Variants in RHBDL2 observed in about 807,000 individuals in gnomAD.
RHBDL2 encodes the protein rhomboid-related protein 2.
A neutral mutation model predicts 31.7 loss-of-function variants in RHBDL2; 26 were observed. That is an observed-to-expected ratio of 0.82 (90% CI 0.60 to 1.14). The LOEUF (loss-of-function observed/expected upper bound fraction) is 1.14. Ranked by LOEUF, RHBDL2 falls within the 50% of genes most tolerant of loss-of-function variation. The probability of loss-of-function intolerance (pLI) is 0.00; values close to 1 mark genes in which losing one functional copy is unlikely to be tolerated. For missense variants in RHBDL2, 336 were observed against 364.4 expected, an observed-to-expected ratio of 0.92 and a Z score of 0.63; for synonymous variants, 123 against 127.2, an observed-to-expected ratio of 0.97 and a Z score of 0.22.
chr1:38,900,310 C>G (rs536592212), intron 4 of RHBDL2, among the ~76,000 whole-genome samples: 92 of 152,200 alleles, frequency 6.0e-4, no homozygotes, highest in African/African-American at 2.1e-3. Context: ...ATCCCAGCTA[C>G]TCGGGAGGCT....
At chr1:38,903,435 C>T (rs892848934) in intron 4 of RHBDL2, among the ~76,000 whole-genome samples, 3 of 152,062 alleles carry the variant, frequency 2.0e-5, no homozygotes, top group Non-Finnish European at 2.9e-5. Flanking sequence ...CTACCACCCC[C>T]GGCCGAGAAA....
chr1:38,912,369 T>C (rs1329454678), intron 3 of RHBDL2, among the ~76,000 whole-genome samples: 1 of 151,154 alleles, frequency 6.6e-6, no homozygotes, highest in African/African-American at 2.4e-5. Flanking sequence ...CCTCCCAAAG[T>C]GCTGGGATTA....
intron 1 of RHBDL2, among the ~76,000 whole-genome samples, chr1:38,929,863 A>G (rs1284479701): frequency 6.6e-6 from 1 of 152,256 alleles, no homozygotes; most frequent in Non-Finnish European, 1.5e-5. Flanking sequence ...TTTTAGCTAC[A>G]GAAATTAAGA....
chr1:38,912,544 G>A (rs1217525166), intron 3 of RHBDL2, among the ~76,000 whole-genome samples: 1 of 151,826 alleles, frequency 6.6e-6, no homozygotes, highest in Admixed American at 6.6e-5. Flanking sequence ...CCCAGCAGCT[G>A]GGACTACAGG....
chr1:38,888,830 T>C (rs1308762132), intron 6 of RHBDL2, among the ~76,000 whole-genome samples: 1 of 149,866 alleles, frequency 6.7e-6, no homozygotes, highest in Non-Finnish European at 1.5e-5. Context: ...AGAAGGTGAG[T>C]TGTACTCTCC....
At chr1:38,895,524 C>CTAG (rs1642907200) in intron 5 of RHBDL2, among the ~76,000 whole-genome samples, 1 of 152,130 alleles carries the variant, frequency 6.6e-6, no homozygotes, top group South Asian at 2.1e-4. Context: ...TGAAAGGAAG[C>CTAG]TAGGTGCGGC....
At chr1:38,901,454 T>A (rs1570918610) in intron 4 of RHBDL2, among the ~76,000 whole-genome samples, 2 of 114,090 alleles carry the variant, frequency 1.8e-5, no homozygotes, top group African/African-American at 3.7e-5. Flanking sequence ...AGAGCAAGGC[T>A]CAGTCTCAAA....
At chr1:38,929,546 T>G in intron 1 of RHBDL2, 2 of 1,289,322 alleles carry the variant, frequency 1.6e-6, no homozygotes, top group South Asian at 2.5e-5. Flanking sequence ...AATTGTTTTT[T>G]CTAAACAGCT....
intron 4 of RHBDL2, among the ~76,000 whole-genome samples, chr1:38,905,176 G>A (rs1396509034): frequency 6.6e-6 from 1 of 151,808 alleles, no homozygotes; most frequent in South Asian, 2.1e-4. Context: ...TGGATCACCT[G>A]AGATCAGGAG....
At chr1:38,912,093 TG>T (rs1221999911) in intron 3 of RHBDL2, among the ~76,000 whole-genome samples, 2 of 152,118 alleles carry the variant, frequency 1.3e-5, no homozygotes, top group Non-Finnish European at 2.9e-5. Flanking sequence ...TGCCTCAGCC[TG>T]CTGAGTAGCT....
intron 1 of RHBDL2, among the ~76,000 whole-genome samples, chr1:38,933,249 C>T (rs1643457579): frequency 1.3e-5 from 2 of 152,078 alleles, no homozygotes. Context: ...CTTGCTGTTC[C>T]TTCTACCTAG....
chr1:38,915,749 C>T, intron 2 of RHBDL2, 39 bp from the exon 3 acceptor site: 1 of 1,611,306 alleles, frequency 6.2e-7, no homozygotes, highest in Non-Finnish European at 8.5e-7. Flanking sequence ...ACCACACCTT[C>T]TCCAGAGAGG....
rs1211749339 is a variant in RHBDL2, at chr1:38,911,377, T to C, written c.453A>G (p.Glu151=). ...CMQLVLGIPL[E]MVHKGLRVGL... ...CCACACGGAGGCCTTTGTGGACCATTTCCAAGGGAATACCCAAAACAAGCT... is the reference window on the plus strand; with the variant it reads ...CCACACGGAGGCCTTTGTGGACCATCTCCAAGGGAATACCCAAAACAAGCT... The change falls in exon 4 of 8, where the codon GAA becomes GAG. Residue 151 remains glutamate (E), a synonymous_variant. Coordinates refer to ENST00000372990, the MANE Select transcript of RHBDL2 (RefSeq NM_017821.5). 6.2e-7 allele frequency: 1 copy of C among 1,614,056 alleles called. No homozygotes were observed. The highest frequency in any genetic ancestry group is 8.5e-7 in the Non-Finnish European group (1 of 1,180,008).
chr1:38,931,967 C>CTG (rs1165738470), intron 1 of RHBDL2, among the ~76,000 whole-genome samples: 3 of 152,200 alleles, frequency 2.0e-5, no homozygotes, highest in Non-Finnish European at 4.4e-5. Flanking sequence ...TGGGCCAGCC[C>CTG]TGTGACTGGT....
chr1:38,910,340 G>A (rs1643122972), intron 4 of RHBDL2, among the ~76,000 whole-genome samples: 1 of 152,164 alleles, frequency 6.6e-6, no homozygotes, highest in Non-Finnish European at 1.5e-5. Flanking sequence ...CACCATTGGG[G>A]ATCGCTGGTT....
intron 3 of RHBDL2, among the ~76,000 whole-genome samples, chr1:38,914,522 G>T (rs918460420): frequency 6.6e-6 from 1 of 151,880 alleles, no homozygotes; most frequent in African/African-American, 2.4e-5. Context: ...GATTACAGGT[G>T]TGAGGCACTG....
Position 38,915,689 on chromosome 1 carries a change from C to T in RHBDL2, c.268G>A (p.Ala90Thr), listed in dbSNP as rs776734385. ...CACTGTTTCTGAGGCTTCCACACAG[C>T]ATAGTAAATAAACACTGCCAGCTGA... ...LAELAVFIYY[A>T]VWKPQKQWIT... The change falls in exon 3 of 8, where the codon GCT becomes ACT. Residue 90 changes from alanine to threonine, a missense_variant. Physicochemically the swap from Ala to Thr is moderately conservative, Grantham distance 58. Coordinates refer to ENST00000372990, the MANE Select transcript of RHBDL2 (RefSeq NM_017821.5). The T allele has an allele frequency of 1.2e-6, 2 of 1,614,126 alleles. No homozygotes were observed. The highest frequency in any genetic ancestry group is 2.2e-5 in the South Asian group (2 of 91,080).
At chr1:38,900,546 G>C (rs35609171) in intron 4 of RHBDL2, among the ~76,000 whole-genome samples, 12,166 of 152,120 alleles carry the variant, frequency 0.08, 510 homozygotes, top group Middle Eastern at 0.17. Flanking sequence ...GCTTGAGCCT[G>C]AGAGGCAGAG....
At chr1:38,910,673 G>T (rs1275639767) in intron 4 of RHBDL2, among the ~76,000 whole-genome samples, 1 of 151,618 alleles carries the variant, frequency 6.6e-6, no homozygotes, top group African/African-American at 2.4e-5. Context: ...ACATATAAGG[G>T]CCTCCATGAT....
Sources: allele counts gnomAD v4.1 joint callset (sites outside exome capture counted in the v4.1 genomes callset), GRCh38; gene constraint gnomAD v4.1.1; transcripts MANE v1.5; gene names NCBI Gene and HGNC (gene_info 2026-07-23, HGNC 2026-07-21).